The following ZBTB46 variants were observed in gnomAD, a reference collection of about 807,000 sequenced individuals.
The protein encoded by ZBTB46 is zinc finger and BTB domain-containing protein 46.
In ZBTB46, 8 loss-of-function variants were observed where a neutral mutation model predicts 44.1. The observed-to-expected ratio is 0.18, with a 90% CI of 0.11 to 0.33. The LOEUF (loss-of-function observed/expected upper bound fraction) is 0.33, where lower values mean the gene tolerates loss of function less well. ZBTB46 is among the 10% of genes least tolerant of loss of function. ZBTB46 has a pLI of 1.00. For missense variants in ZBTB46, 651 were observed against 847.7 expected, an observed-to-expected ratio of 0.77 and a Z score of 2.88; for synonymous variants, 409 against 382.3, an observed-to-expected ratio of 1.07 and a Z score of -0.81.
upstream of ZBTB46, among the ~76,000 whole-genome samples, chr20:63,831,504 C>A (rs919265418): frequency 2.1e-5 from 3 of 145,912 alleles, no homozygotes; most frequent in African/African-American, 2.5e-5. Flanking sequence ...GGTCCGTTCT[C>A]CCCCCCGCGG....
intron 1 of ZBTB46, among the ~76,000 whole-genome samples, chr20:63,830,738 C>CGCG (rs979844854): frequency 5.4e-5 from 8 of 147,050 alleles, no homozygotes; most frequent in East Asian, 2.1e-4. Context: ...GGGGAGGGAG[C>CGCG]GCGGCGGCGG....
chr20:63,775,527 G>A (rs2092417561), intron 3 of ZBTB46, 151 bp downstream of exon 3: 4 of 1,043,054 alleles, frequency 3.8e-6, no homozygotes, highest in East Asian at 2.7e-5. Flanking sequence ...AGGCTGTGAC[G>A]CCGCATCCTC....
At chr20:63,809,929 T>G (rs2146026552) in intron 1 of ZBTB46, among the ~76,000 whole-genome samples, 1 of 149,734 alleles carries the variant, frequency 6.7e-6, no homozygotes, top group South Asian at 2.1e-4. Flanking sequence ...ACCACTGTAC[T>G]CCGGCATGGG....
rs368878284 is a variant in ZBTB46 at position 63,807,212 on chromosome 20, ATTTC to A, written c.-33-16426_-33-16423del. On this transcript the variant is annotated intron_variant, in intron 1 of 4. Transcript: ENST00000245663. The stretch of plus-strand genomic sequence containing the variant: ...TGGAAGTTTATTGACTATTGATTCA[ATTTC>A]TTTATTGAAATTGACTTTTCTTTTT... 2.5e-4 allele frequency among the ~76,000 whole-genome samples: 38 copies of A among 152,336 alleles called. No homozygotes were observed. In the South Asian group the frequency reaches 7.9e-3, roughly 32 times the overall value.
chr20:63,814,403 A>T (rs1438503154), intron 1 of ZBTB46, among the ~76,000 whole-genome samples: 3 of 152,196 alleles, frequency 2.0e-5, no homozygotes, highest in Non-Finnish European at 4.4e-5. Context: ...ATAAGTTTTT[A>T]AAAATATAAT....
chr20:63,830,137 C>A (rs753843948), intron 1 of ZBTB46, among the ~76,000 whole-genome samples: 12 of 152,228 alleles, frequency 7.9e-5, no homozygotes, highest in Non-Finnish European at 1.5e-4. Context: ...TTCTTCGCCC[C>A]ATCTGGTCTG....
At chr20:63,786,987 G>A (rs2092521325) in intron 2 of ZBTB46, among the ~76,000 whole-genome samples, 3 of 152,122 alleles carry the variant, frequency 2.0e-5, no homozygotes, top group Admixed American at 2.0e-4. Flanking sequence ...TCTGGCCGTA[G>A]CTCAGTGCAG....
At position 63,745,794 on chromosome 20, in the gene ZBTB46, A is replaced by C. The variant is rs1490680419; in HGVS notation, c.*1136T>G. On this transcript the variant is annotated 3_prime_UTR_variant, in exon 5 of 5. Coordinates refer to ENST00000245663, the MANE Select transcript of ZBTB46 (RefSeq NM_001369741.1). ...AAAGCCAGGCGGTGCACCACAGCACACACCGTGGGACCTTTGCTTTTCACT... is the reference window on the plus strand; with the variant it reads ...AAAGCCAGGCGGTGCACCACAGCACCCACCGTGGGACCTTTGCTTTTCACT... 6.6e-6 allele frequency: 1 copy of C among 152,380 alleles called. No homozygotes were observed. The highest frequency in any genetic ancestry group is 1.5e-5 in the Non-Finnish European group (1 of 68,046). The allele number at this position is 152,380 out of a possible 1,614,324, so 9.4% of individuals were successfully genotyped here.
intron 1 of ZBTB46, among the ~76,000 whole-genome samples, chr20:63,797,711 G>A (rs1304821919): frequency 2.0e-5 from 3 of 152,188 alleles, no homozygotes; most frequent in Non-Finnish European, 2.9e-5. Context: ...GGTGTGAGAT[G>A]GTATCTCATT....
chr20:63,818,388 TGAG>T (rs757082789), intron 1 of ZBTB46, among the ~76,000 whole-genome samples: 12 of 152,184 alleles, frequency 7.9e-5, no homozygotes, highest in South Asian at 4.1e-4. Flanking sequence ...TGGGTCTTCG[TGAG>T]GAGGAGAGCA....
In ZBTB46 at chr20:63,768,192, C is replaced by T. The variant is rs540299065; in HGVS notation, c.1222+7486G>A. ...TATATGCATTAACAAAACATTAACA[C>T]CTGCCACCAAAACTATCCTGTGAGA... On this transcript the variant is annotated intron_variant, in intron 3 of 4. Transcript: ENST00000245663. The T allele has an allele frequency of 2.8e-5, 25 of 899,090 alleles. No homozygotes were observed. In the African/African-American group the frequency reaches 4.1e-4, roughly 15 times the overall value. 55.7% of individuals were successfully genotyped at this position (899,090 alleles called of 1,614,324 possible). A position where few individuals can be genotyped will look rare whatever the true frequency, so the allele number is the denominator to read the frequency against.
chr20:63,790,126 A>T lies in ZBTB46; in HGVS notation c.632T>A (p.Val211Asp). The change falls in exon 2 of 5, where the codon GTT (valine) becomes GAT (aspartate). Residue 211 changes from valine to aspartate, a missense_variant. By Grantham distance (152) the Val-to-Asp change is radical (BLOSUM62 -3). Coordinates refer to ENST00000245663, the MANE Select transcript of ZBTB46 (RefSeq NM_001369741.1). ...QEPKADGPDDVSSQPLWPGDV... is the reference protein window; with the variant it reads ...QEPKADGPDDDSSQPLWPGDV... ...TCCAGGCCATAGAGGCTGTGAAGAA[A>T]CATCATCAGGGCCATCGGCCTTGGG... 6.2e-7 allele frequency: 1 copy of T among 1,613,986 alleles called. No individual in the cohort carries two copies. The highest frequency in any genetic ancestry group is 8.5e-7 in the Non-Finnish European group (1 of 1,180,028).
upstream of ZBTB46, among the ~76,000 whole-genome samples, chr20:63,831,791 C>T (rs1308088170): frequency 1.3e-5 from 2 of 151,444 alleles, no homozygotes; most frequent in Non-Finnish European, 3.0e-5. Flanking sequence ...GTCCCCGCGC[C>T]TGACGCGCGG....
intron 1 of ZBTB46, among the ~76,000 whole-genome samples, chr20:63,798,780 G>A (rs2092622715): frequency 6.6e-6 from 1 of 150,414 alleles, no homozygotes; most frequent in Admixed American, 6.6e-5. Context: ...GGAGGCAGAG[G>A]ATGCAGTGAG....
At chr20:63,764,960 C>G (rs1001596251) in intron 3 of ZBTB46, among the ~76,000 whole-genome samples, 1 of 151,836 alleles carries the variant, frequency 6.6e-6, no homozygotes, top group African/African-American at 2.4e-5. Context: ...GCTCTCTCAC[C>G]CAGGCTGGAG....
chr20:63,800,526 C>G (rs955979680), intron 1 of ZBTB46, among the ~76,000 whole-genome samples: 1 of 152,234 alleles, frequency 6.6e-6, no homozygotes, highest in Non-Finnish European at 1.5e-5. Flanking sequence ...TGGCCAAGGC[C>G]GGAGCCGGCT....
intron 3 of ZBTB46, 194 bp downstream of exon 3, chr20:63,775,484 A>C (rs751200105): frequency 1.5e-5 from 10 of 658,992 alleles, no homozygotes; most frequent in Non-Finnish European, 2.4e-5. Flanking sequence ...CTCACTCTAA[A>C]GCCAGCCCCC....
chr20:63,749,565 T>C (rs2092140577), intron 4 of ZBTB46, among the ~76,000 whole-genome samples: 3 of 152,334 alleles, frequency 2.0e-5, no homozygotes, highest in South Asian at 2.1e-4. Flanking sequence ...CTCGATCTCC[T>C]GACCTCGTGA....
intron 1 of ZBTB46, among the ~76,000 whole-genome samples, chr20:63,808,801 C>T (rs1188995108): frequency 6.6e-6 from 1 of 151,652 alleles, no homozygotes; most frequent in Non-Finnish European, 1.5e-5. Flanking sequence ...GGTGAAACCC[C>T]GTCTCTACTA....
Sources: gnomAD v4.1 joint callset for allele counts (sites outside exome capture counted in the v4.1 genomes callset) on GRCh38, gnomAD v4.1.1 for gene constraint, MANE v1.5 for transcripts, NCBI Gene and HGNC (gene_info 2026-07-23, HGNC 2026-07-21) for gene names.